CNTN5: variants seen among roughly 807,000 people sequenced by gnomAD.
CNTN5 encodes the protein contactin-5.
Under a neutral mutation model 129.1 loss-of-function variants are expected in CNTN5, and 77 were observed. The observed-to-expected ratio is 0.60, with a 90% CI of 0.50 to 0.72. The LOEUF (loss-of-function observed/expected upper bound fraction) is 0.72. Ranked by LOEUF, CNTN5 falls within the 30% of genes least tolerant of loss-of-function variation. The pLI, the probability that CNTN5 is intolerant of heterozygous loss-of-function variation, is 0.00. For missense variants in CNTN5, 1,478 were observed against 1,328.8 expected (o/e 1.11, Z -1.75); for synonymous variants, 509 against 465.6 (o/e 1.09, Z -1.20).
chr11:99,538,031 G>A (rs1947965001), intron 2 of CNTN5, among the ~76,000 whole-genome samples: 1 of 152,172 alleles, frequency 6.6e-6, no homozygotes, highest in African/African-American at 2.4e-5. Flanking sequence ...CTAGTACTGA[G>A]TAGAAATAGT....
At chr11:100,152,240 A>C (rs1947088531) in intron 13 of CNTN5, among the ~76,000 whole-genome samples, 1 of 152,192 alleles carries the variant, frequency 6.6e-6, no homozygotes, top group South Asian at 2.1e-4. Flanking sequence ...ATGATCATCC[A>C]GCAAGTCTTG....
intron 1 of CNTN5, among the ~76,000 whole-genome samples, chr11:99,181,195 A>G (rs1470638316): frequency 6.6e-6 from 1 of 152,096 alleles, no homozygotes; most frequent in African/African-American, 2.4e-5. Flanking sequence ...TGTTGAATGT[A>G]ATTAATGGCC....
intron 13 of CNTN5, among the ~76,000 whole-genome samples, chr11:100,160,451 C>T (rs569789190): frequency 1.6e-4 from 24 of 151,770 alleles, no homozygotes; most frequent in African/African-American, 4.1e-4. Flanking sequence ...TGGGATTGCT[C>T]GGACAAATCA....
At chr11:99,142,194 C>G (rs1188705264) in intron 1 of CNTN5, among the ~76,000 whole-genome samples, 1 of 152,034 alleles carries the variant, frequency 6.6e-6, no homozygotes, top group Admixed American at 6.5e-5. Flanking sequence ...ACTAGGGGGG[C>G]CTAGGTGTTC....
chr11:100,249,496 T>C (rs1202669263), intron 16 of CNTN5, among the ~76,000 whole-genome samples: 1 of 152,170 alleles, frequency 6.6e-6, no homozygotes, highest in Non-Finnish European at 1.5e-5. Flanking sequence ...AATTTAGTGA[T>C]CCTTTATAAT....
intron 9 of CNTN5, among the ~76,000 whole-genome samples, chr11:100,016,508 A>G (rs2137544076): frequency 6.6e-6 from 1 of 152,150 alleles, no homozygotes; most frequent in South Asian, 2.1e-4. Context: ...GCCTTAGATT[A>G]TTCATGAATC....
chr11:99,435,784 G>A (rs1022663682), intron 2 of CNTN5, among the ~76,000 whole-genome samples: 7 of 152,092 alleles, frequency 4.6e-5, no homozygotes, highest in African/African-American at 1.4e-4. Flanking sequence ...TTGGAGAATC[G>A]TATACATAGA....
intron 1 of CNTN5, among the ~76,000 whole-genome samples, chr11:99,113,582 A>G (rs1857902735): frequency 6.6e-6 from 1 of 152,128 alleles, no homozygotes; most frequent in Admixed American, 6.6e-5. Flanking sequence ...TGTCAGCTGA[A>G]GCATTTCTCC....
chr11:99,101,895 G>A (rs1038143836), intron 1 of CNTN5, among the ~76,000 whole-genome samples: 1 of 152,160 alleles, frequency 6.6e-6, no homozygotes, highest in Non-Finnish European at 1.5e-5. Context: ...CTCTGTGTGG[G>A]GGCATCAATC....
At chr11:99,588,055 G>T (rs1455812260) in intron 3 of CNTN5, among the ~76,000 whole-genome samples, 1 of 152,158 alleles carries the variant, frequency 6.6e-6, no homozygotes, top group African/African-American at 2.4e-5. Flanking sequence ...CATAGTTTAA[G>T]ACCACCGGCC....
intron 3 of CNTN5, among the ~76,000 whole-genome samples, chr11:99,813,747 T>C (rs1250942793): frequency 6.6e-6 from 1 of 152,128 alleles, no homozygotes; most frequent in Admixed American, 6.6e-5. Context: ...AAGGTTGTGG[T>C]ATCTTGGAAT....
chr11:99,590,177 A>G lies in CNTN5; in HGVS notation c.55+33908A>G, dbSNP rs553070801. 3.6e-4 allele frequency among the ~76,000 whole-genome samples: 55 copies of G among 152,326 alleles called. 2 individuals are homozygous for G. Among genetic ancestry groups the G allele is most frequent in the African/African-American group, 1.3e-3 (52 of 41,570 alleles). ...GGGGAAAGTGGAAAAAAAAGAGGAC[A>G]GCAATGATTATACAAGTCAAATAAA... On this transcript the variant is annotated intron_variant, in intron 3 of 24. Coordinates refer to ENST00000524871, the MANE Select transcript of CNTN5 (RefSeq NM_014361.4).
chr11:99,617,511 A>G (rs995903110), intron 3 of CNTN5, among the ~76,000 whole-genome samples: 5 of 152,214 alleles, frequency 3.3e-5, no homozygotes, highest in African/African-American at 1.2e-4. Flanking sequence ...GAAAAGTGAC[A>G]CATAAACTTT....
intron 3 of CNTN5, among the ~76,000 whole-genome samples, chr11:99,782,864 C>G (rs1158893584): frequency 2.6e-5 from 4 of 151,806 alleles, no homozygotes; most frequent in Non-Finnish European, 4.4e-5. Context: ...AGACCTAAAA[C>G]CACAAAAACC....
chr11:99,680,415 A>C (rs767951238), intron 3 of CNTN5, among the ~76,000 whole-genome samples: 87 of 152,302 alleles, frequency 5.7e-4, no homozygotes, highest in Non-Finnish European at 1.0e-3. Context: ...ACCTCTTAAA[A>C]GTTAGGCTAA....
chr11:100,160,944 C>T (rs1481352711), intron 13 of CNTN5, among the ~76,000 whole-genome samples: 1 of 151,760 alleles, frequency 6.6e-6, no homozygotes, highest in African/African-American at 2.4e-5. Flanking sequence ...TCTGGATATA[C>T]CATTATAGGG....
intron 3 of CNTN5, among the ~76,000 whole-genome samples, chr11:99,598,359 TCTCTCTCTCTCTC>T (rs1950203985): frequency 1.7e-5 from 1 of 59,788 alleles, no homozygotes; most frequent in Non-Finnish European, 3.4e-5. Context: ...TCTCTCTCTC[TCTCTCTCTCTCTC>T]TCCCTCTCTC....
intron 3 of CNTN5, among the ~76,000 whole-genome samples, chr11:99,763,191 A>C (rs1202307404): frequency 6.6e-6 from 1 of 152,136 alleles, no homozygotes; most frequent in Non-Finnish European, 1.5e-5. Flanking sequence ...ATTATTTGAA[A>C]TGTGTATCAG....
At chr11:100,056,336 C>G (rs57658888) in intron 9 of CNTN5, among the ~76,000 whole-genome samples, 1 of 150,970 alleles carries the variant, frequency 6.6e-6, no homozygotes. Context: ...TATCAAAATA[C>G]GCAGATTACC....
Sources: gnomAD v4.1 joint callset for allele counts (sites outside exome capture counted in the v4.1 genomes callset) on GRCh38, gnomAD v4.1.1 for gene constraint, MANE v1.5 for transcripts, NCBI Gene and HGNC (gene_info 2026-07-23, HGNC 2026-07-21) for gene names.